The following ATAD2B variants were observed in gnomAD, a reference collection of about 807,000 sequenced individuals.
ATAD2B encodes the protein ATPase family AAA domain containing 2B, also known as ATPase family AAA domain-containing protein 2B.
Under a neutral mutation model 167.6 loss-of-function variants are expected in ATAD2B, and 40 were observed. The observed-to-expected ratio is 0.24, with a 90% confidence interval of 0.19 to 0.31. The LOEUF (loss-of-function observed/expected upper bound fraction) is 0.31. Ranked by LOEUF, ATAD2B falls within the 10% of genes least tolerant of loss-of-function variation. The probability of loss-of-function intolerance (pLI) is 1.00; values close to 1 mark genes in which losing one functional copy is unlikely to be tolerated. For missense variants in ATAD2B, 1,242 were observed against 1,757.2 expected, an observed-to-expected ratio of 0.71 and a Z score of 5.24; for synonymous variants, 579 against 596.5, an observed-to-expected ratio of 0.97 and a Z score of 0.43.
rs1015867338 is a variant in ATAD2B, at chr2:23,869,799, T to C, written c.978-38A>G. On this transcript the variant is annotated intron_variant, in intron 8 of 27. Transcript: ENST00000238789. ...AGTAAAATCCTTAAAACCATTATAA[T>C]AGCAAACAACTTTTTAAAACACACT... The C allele has an allele frequency of 3.6e-6, 5 of 1,370,262 alleles. No individual in the cohort carries two copies. The African/African-American group carries it at 4.4e-5, about 12-fold the overall frequency. 84.9% of individuals were successfully genotyped at this position (1,370,262 alleles called of 1,614,324 possible). A position where few individuals can be genotyped will look rare whatever the true frequency, so the allele number is the denominator to read the frequency against.
At chr2:23,904,158 T>A (rs1701190537) in intron 1 of ATAD2B, among the ~76,000 whole-genome samples, 1 of 151,370 alleles carries the variant, frequency 6.6e-6, no homozygotes, top group African/African-American at 2.4e-5. Context: ...TAAAAGAAAA[T>A]GATCATAGGT....
At chr2:23,695,405 C>T in the ATAD2B span, among the ~76,000 whole-genome samples, 1 of 152,058 alleles carries the variant, frequency 6.6e-6, no homozygotes, top group Non-Finnish European at 1.5e-5. This position sits in a 1 kb window ranked among gnomAD's most constrained non-coding sequence, Gnocchi z 7.6. Context: ...AGCCTGCCAG[C>T]CTCCCCTCCG....
the ATAD2B span, among the ~76,000 whole-genome samples, chr2:23,719,736 G>A: frequency 2.0e-5 from 3 of 152,246 alleles, no homozygotes; most frequent in Admixed American, 1.3e-4. Flanking sequence ...ACCATCTTAC[G>A]TTCCTGGCAG....
At chr2:23,851,525 C>T (rs779941586) in intron 13 of ATAD2B, among the ~76,000 whole-genome samples, 8 of 152,140 alleles carry the variant, frequency 5.3e-5, no homozygotes, top group Non-Finnish European at 8.8e-5. Flanking sequence ...GACTTTCATA[C>T]GTCCCCCGCC....
At chr2:23,850,376 TA>T (rs1368338766) in intron 13 of ATAD2B, among the ~76,000 whole-genome samples, 3 of 152,154 alleles carry the variant, frequency 2.0e-5, no homozygotes, top group African/African-American at 7.2e-5. Flanking sequence ...GGGATGTAGC[TA>T]AAGCATTGCT....
Position 23,927,022 on chromosome 2 carries a change from C to T in ATAD2B, c.-252G>A, listed in dbSNP as rs1704997438. 6.2e-6 allele frequency: 3 copies of T among 480,630 alleles called. No individual in the cohort carries two copies. The highest frequency in any genetic ancestry group is 4.2e-5 in the Admixed American group (1 of 23,838). The allele number at this position is 480,630 out of a possible 1,614,324, so 29.8% of individuals were successfully genotyped here. On this transcript the variant is annotated 5_prime_UTR_variant, in exon 1 of 28. Coordinates refer to ENST00000238789, the MANE Select transcript of ATAD2B (RefSeq NM_017552.4). ...ACAGACACTCCGCCGGCTTCGCCCTCCTCAGCGGGAGCCGAGCGGAGCCGC... is the reference window on the plus strand; with the variant it reads ...ACAGACACTCCGCCGGCTTCGCCCTTCTCAGCGGGAGCCGAGCGGAGCCGC...
chr2:23,832,236 C>T, intron 14 of ATAD2B: 1 of 469,820 alleles, frequency 2.1e-6, no homozygotes, highest in Non-Finnish European at 4.4e-6. Context: ...AGAGAGAAGA[C>T]TTGGTAATCT....
intron 22 of ATAD2B, among the ~76,000 whole-genome samples, chr2:23,770,516 A>T (rs1472163374): frequency 1.3e-5 from 2 of 152,168 alleles, no homozygotes; most frequent in Non-Finnish European, 2.9e-5. Context: ...CAGGTATGTG[A>T]TCCATTGTGA....
the ATAD2B span, among the ~76,000 whole-genome samples, chr2:23,722,874 A>G: frequency 4.7e-4 from 72 of 152,272 alleles, no homozygotes; most frequent in Non-Finnish European, 9.8e-4. Flanking sequence ...TCAGAATAAC[A>G]GCAGATTTCT....
chr2:23,773,444 A>G (rs1678644141), intron 22 of ATAD2B, among the ~76,000 whole-genome samples: 1 of 152,214 alleles, frequency 6.6e-6, no homozygotes, highest in Admixed American at 6.5e-5. Flanking sequence ...CGATGTCTCA[A>G]GTCAGCTATG....
At chr2:23,819,683 A>G in intron 17 of ATAD2B, 64 bp downstream of exon 17, 1 of 1,278,438 alleles carries the variant, frequency 7.8e-7, no homozygotes, top group Middle Eastern at 2.1e-4. Context: ...AATATACCAT[A>G]ATTCTAATCA....
At chr2:23,877,803 T>G (rs918012073) in intron 7 of ATAD2B, among the ~76,000 whole-genome samples, 1 of 145,456 alleles carries the variant, frequency 6.9e-6, no homozygotes, top group African/African-American at 2.5e-5. Flanking sequence ...GAAGCTGCAG[T>G]GAGCCAACAG....
downstream of ATAD2B, among the ~76,000 whole-genome samples, chr2:23,743,683 G>A (rs939162653): frequency 6.6e-5 from 10 of 152,082 alleles, no homozygotes; most frequent in Non-Finnish European, 1.5e-4. Flanking sequence ...TGGAGTGCAG[G>A]TGCTGCGATC....
intron 12 of ATAD2B, among the ~76,000 whole-genome samples, chr2:23,858,686 T>C (rs1050300023): frequency 1.3e-5 from 2 of 151,880 alleles, no homozygotes; most frequent in African/African-American, 4.8e-5. Context: ...TCTCACTATG[T>C]TGCCCGGGAT....
intron 1 of ATAD2B, among the ~76,000 whole-genome samples, chr2:23,925,787 C>T (rs940255693): frequency 3.9e-5 from 6 of 152,160 alleles, no homozygotes; most frequent in Non-Finnish European, 7.3e-5. Context: ...GTAATATAGT[C>T]CCATAACAAA....
the ATAD2B span, chr2:23,707,311 GAGA>G: frequency 6.6e-6 from 1 of 152,196 alleles, no homozygotes; most frequent in African/African-American, 2.4e-5. Context: ...GTTTTTGCTG[GAGA>G]AGGACAGTGA....
downstream of ATAD2B, among the ~76,000 whole-genome samples, chr2:23,748,447 A>G (rs2551321): frequency 0.039 from 5,972 of 152,280 alleles, 114 homozygotes; most frequent in Admixed American, 0.046. Flanking sequence ...TATTTTAGAC[A>G]ATCTTCAACT....
chr2:23,814,533 G>A (rs1686129146), intron 17 of ATAD2B, among the ~76,000 whole-genome samples: 1 of 152,134 alleles, frequency 6.6e-6, no homozygotes, highest in African/African-American at 2.4e-5. Flanking sequence ...TACAAGAGAT[G>A]AATTCCAAGA....
intron 6 of ATAD2B, among the ~76,000 whole-genome samples, chr2:23,883,261 C>G (rs1573236478): frequency 9.5e-6 from 1 of 105,594 alleles, no homozygotes; most frequent in Non-Finnish European, 1.8e-5. Flanking sequence ...GCCTGGGTGA[C>G]AGAGTGAAAA....
Sources: allele counts gnomAD v4.1 joint callset (sites outside exome capture counted in the v4.1 genomes callset), GRCh38; gene constraint gnomAD v4.1.1; non-coding constraint Gnocchi (gnomAD v3.1); transcripts MANE v1.5; gene names NCBI Gene and HGNC (gene_info 2026-07-23, HGNC 2026-07-21).